HLCS: variants seen among roughly 807,000 people sequenced by gnomAD.
HLCS encodes holocarboxylase synthetase, also known as biotin--protein ligase.
HLCS carries 53 observed loss-of-function variants against 75.0 expected under a neutral mutation model. The ratio of observed to expected loss-of-function variants is 0.71; its 90% confidence interval spans 0.57 to 0.89. The LOEUF (loss-of-function observed/expected upper bound fraction) is 0.89, where lower values mean the gene tolerates loss of function less well. HLCS is among the 40% of genes least tolerant of loss of function. HLCS has a pLI of 0.00. For missense variants in HLCS, 966 were observed against 1,074.0 expected, an observed-to-expected ratio of 0.90 and a Z score of 1.41; for synonymous variants, 431 against 428.6, an observed-to-expected ratio of 1.01 and a Z score of -0.07.
At chr21:36,845,055 T>A (rs1181524903) in intron 6 of HLCS, among the ~76,000 whole-genome samples, 1 of 152,212 alleles carries the variant, frequency 6.6e-6, no homozygotes, top group African/African-American at 2.4e-5. Flanking sequence ...TTTTTTATGC[T>A]TTCATTTTCT....
chr21:36,983,576 G>C (rs552178461), intron 1 of HLCS, among the ~76,000 whole-genome samples: 1 of 151,822 alleles, frequency 6.6e-6, no homozygotes, highest in East Asian at 2.0e-4. Context: ...AGTGGCTCAC[G>C]CCTGTAATCC....
chr21:36,810,397 T>C (rs1001302521), intron 6 of HLCS, among the ~76,000 whole-genome samples: 5 of 152,258 alleles, frequency 3.3e-5, no homozygotes, highest in South Asian at 2.1e-4. Flanking sequence ...CAAAGATGTA[T>C]ATAAACAGAA....
intron 6 of HLCS, among the ~76,000 whole-genome samples, chr21:36,805,660 T>C (rs2061340666): frequency 6.6e-6 from 1 of 152,178 alleles, no homozygotes. Context: ...AGAATGCCGC[T>C]GACTGCCAAG....
At chr21:36,964,172 C>T (rs562149627) in intron 1 of HLCS, among the ~76,000 whole-genome samples, 4 of 152,168 alleles carry the variant, frequency 2.6e-5, no homozygotes, top group African/African-American at 7.2e-5. Flanking sequence ...TTGCAGTGAG[C>T]GGAGATCGCG....
intron 6 of HLCS, among the ~76,000 whole-genome samples, chr21:36,876,024 G>T (rs2063960863): frequency 6.6e-6 from 1 of 152,166 alleles, no homozygotes; most frequent in African/African-American, 2.4e-5. Context: ...CCTCAGCCTT[G>T]CACGGAGGCA....
chr21:36,836,258 C>T (rs1350851514), intron 6 of HLCS, among the ~76,000 whole-genome samples: 1 of 152,128 alleles, frequency 6.6e-6, no homozygotes, highest in Non-Finnish European at 1.5e-5. Context: ...CTACACTTAC[C>T]CTGGGGCTGC....
At chr21:36,916,269 A>G (rs1342018904) in intron 5 of HLCS, among the ~76,000 whole-genome samples, 2 of 152,168 alleles carry the variant, frequency 1.3e-5, no homozygotes, top group Non-Finnish European at 2.9e-5. Flanking sequence ...CCTAGATCAG[A>G]GGGGTAGAAT....
rs767893846 is a variant in HLCS at position 36,936,923 on chromosome 21, T to G, written c.963A>C (p.Glu321Asp). Residue 321 changes from glutamate to aspartate, a missense_variant, in exon 4 of 11, where the codon GAA becomes GAC. Glu to Asp is a conservative substitution (Grantham distance 45, BLOSUM62 2). Coordinates refer to ENST00000674895, the MANE Select transcript of HLCS (RefSeq NM_001352514.2). ...ILLYVGSDSQEALGRFHEVRS... is the reference protein window; with the variant it reads ...ILLYVGSDSQDALGRFHEVRS... Reference sequence around the variant, plus strand: ...GGACCTCGTGGAACCGGCCGAGGGCTTCCTGGGAGTCGGAGCCCACATAGA... The same window carrying G: ...GGACCTCGTGGAACCGGCCGAGGGCGTCCTGGGAGTCGGAGCCCACATAGA... 31 of 1,614,176 alleles carry G rather than the reference T, an allele frequency of 1.9e-5. No homozygotes were observed. The highest frequency in any genetic ancestry group is 2.5e-5 in the Non-Finnish European group (30 of 1,180,040).
rs1380144081 is a variant in HLCS at position 36,753,960 on chromosome 21, C to T, written c.*286G>A. On this transcript the variant is annotated 3_prime_UTR_variant, in exon 11 of 11. Coordinates refer to ENST00000674895, the MANE Select transcript of HLCS (RefSeq NM_001352514.2). This position sits in a 1 kb window ranked among gnomAD's most constrained non-coding sequence, Gnocchi z 4.3. ...ATTGTCATTTCCATGTAAAAACTCC[C>T]CTTGACAATAAACGTAAGTCCAAGC... is the stretch of plus-strand genomic sequence containing the variant. The T allele has an allele frequency of 1.2e-5, 6 of 497,168 alleles. No homozygotes were observed. The highest frequency in any genetic ancestry group is 2.2e-5 in the Non-Finnish European group (6 of 273,588). 30.8% of individuals were successfully genotyped at this position (497,168 alleles called of 1,614,324 possible).
At chr21:36,909,131 A>C (rs937177288) in intron 5 of HLCS, among the ~76,000 whole-genome samples, 20 of 152,092 alleles carry the variant, frequency 1.3e-4, no homozygotes, top group African/African-American at 4.8e-4. Context: ...TCGGAAGCGG[A>C]GTTTGCAGTG....
chr21:36,875,954 T>C (rs1276354045), intron 6 of HLCS, among the ~76,000 whole-genome samples: 1 of 152,174 alleles, frequency 6.6e-6, no homozygotes, highest in African/African-American at 2.4e-5. Flanking sequence ...TGCCACCACA[T>C]TCCCCTTGTC....
intron 2 of HLCS, among the ~76,000 whole-genome samples, chr21:36,939,710 G>C (rs2067056282): frequency 6.6e-6 from 1 of 152,130 alleles, no homozygotes; most frequent in Non-Finnish European, 1.5e-5. Context: ...CTGGGGCCTG[G>C]AACACCCATG....
At chr21:36,780,803 C>T in intron 6 of HLCS, among the ~76,000 whole-genome samples, 1 of 152,104 alleles carries the variant, frequency 6.6e-6, no homozygotes, top group East Asian at 1.9e-4. Context: ...TACAGCCTAA[C>T]CAATGGACAG....
chr21:36,882,430 G>GTT (rs988628424), intron 6 of HLCS, among the ~76,000 whole-genome samples: 2 of 151,580 alleles, frequency 1.3e-5, no homozygotes, highest in African/African-American at 2.4e-5. Flanking sequence ...AGATTTTGGG[G>GTT]TTTTTTTGTT....
intron 1 of HLCS, among the ~76,000 whole-genome samples, chr21:36,981,390 C>A (rs971113414): frequency 7.0e-6 from 1 of 142,542 alleles, no homozygotes; most frequent in Non-Finnish European, 1.5e-5. Context: ...TAACTCTTAA[C>A]CTTCCTTTTT....
intron 6 of HLCS, among the ~76,000 whole-genome samples, chr21:36,887,312 C>T (rs1012899815): frequency 1.3e-5 from 2 of 152,212 alleles, no homozygotes; most frequent in African/African-American, 4.8e-5. Flanking sequence ...TCAACATCAA[C>T]GCTGAGAGGA....
chr21:36,821,696 G>C (rs1406075934), intron 6 of HLCS, among the ~76,000 whole-genome samples: 2 of 152,224 alleles, frequency 1.3e-5, no homozygotes, highest in Non-Finnish European at 2.9e-5. Flanking sequence ...TGTGTTTAAA[G>C]ACACAAAACA....
At chr21:36,942,735 AC>A (rs2067205975) in intron 2 of HLCS, among the ~76,000 whole-genome samples, 1 of 152,172 alleles carries the variant, frequency 6.6e-6, no homozygotes, top group African/African-American at 2.4e-5. Flanking sequence ...AAGAACTCCT[AC>A]AACTCAACAA....
intron 1 of HLCS, among the ~76,000 whole-genome samples, chr21:36,983,038 AAAAAAC>A (rs1471114911): frequency 6.6e-6 from 1 of 152,146 alleles, no homozygotes; most frequent in Non-Finnish European, 1.5e-5. Context: ...CGTCTCAAAA[AAAAAAC>A]AAAAACAAAA....
Sources: allele counts gnomAD v4.1 joint callset (sites outside exome capture counted in the v4.1 genomes callset), GRCh38; gene constraint gnomAD v4.1.1; non-coding constraint Gnocchi (gnomAD v3.1); transcripts MANE v1.5; gene names NCBI Gene and HGNC (gene_info 2026-07-23, HGNC 2026-07-21).